OR4E2: variants seen among roughly 807,000 people sequenced by gnomAD.
OR4E2 encodes olfactory receptor 4E2.
In OR4E2, 9 loss-of-function variants were observed where a neutral mutation model predicts 11.0. The observed-to-expected ratio is 0.82, with a 90% CI of 0.49 to 1.43. OR4E2 has a LOEUF of 1.43. OR4E2 is among the 40% of genes most tolerant of loss of function. The pLI is 0.00. For missense variants in OR4E2, 441 were observed against 382.0 expected (o/e 1.15, Z -1.29); for synonymous variants, 159 against 147.3 (o/e 1.08, Z -0.57).
Position 21,666,280 on chromosome 14 carries a change from G to T in OR4E2, c.*256G>T, listed in dbSNP as rs1880647145. 2.7e-6 allele frequency: 1 copy of T among 371,858 alleles called. No homozygotes were observed. The highest frequency in any genetic ancestry group is 4.8e-6 in the Non-Finnish European group (1 of 207,202). The allele number at this position is 371,858 out of a possible 1,614,324, so 23.0% of individuals were successfully genotyped here. On this transcript the variant is annotated 3_prime_UTR_variant, in exon 4 of 4. Transcript: ENST00000641524. ...GTGGGAAAGTTTAAAGACAGCTTTT[G>T]ATTTCATCAGTAAAAGAATACAATT...
intron 2 of OR4E2, among the ~76,000 whole-genome samples, chr14:21,659,022 A>C: frequency 6.6e-6 from 1 of 152,086 alleles, no homozygotes; most frequent in East Asian, 1.9e-4. Context: ...CTACTTTGAA[A>C]ATATCTTTAA....
intron 3 of OR4E2, among the ~76,000 whole-genome samples, chr14:21,663,576 G>C (rs1027138624): frequency 1.2e-4 from 19 of 152,140 alleles, no homozygotes; most frequent in African/African-American, 4.3e-4. Flanking sequence ...AAGCCTGAGA[G>C]GGAATAGATA....
chr14:21,666,715 T>C lies in OR4E2; in HGVS notation c.*691T>C, dbSNP rs1880671427. 6.7e-6 allele frequency: 1 copy of C among 150,166 alleles called. No individual in the cohort carries two copies. Among genetic ancestry groups the C allele is most frequent in the Non-Finnish European group, 1.5e-5 (1 of 67,170 alleles). 9.3% of individuals were successfully genotyped at this position (150,166 alleles called of 1,614,324 possible). ...ATACCAAGTGGTTTTTTTTTTTTTT[T>C]TCCTAATTACTCTGTCGCCCAGGCT... On this transcript the variant is annotated 3_prime_UTR_variant, in exon 4 of 4. Transcript: ENST00000641524.
At chr14:21,654,058 C>G (rs1879792482) in intron 1 of OR4E2, 119 bp downstream of exon 1, 1 of 152,176 alleles carries the variant, frequency 6.6e-6, no homozygotes, top group Non-Finnish European at 1.5e-5. Context: ...CTTTAGAAGA[C>G]AGCCTAAGCT....
intron 3 of OR4E2, 78 bp from the exon 4 acceptor site, chr14:21,664,997 A>G: frequency 1.3e-6 from 1 of 751,926 alleles, no homozygotes; most frequent in South Asian, 1.8e-5. Flanking sequence ...CAATTCAGAT[A>G]AGAATACAAA....
At chr14:21,663,993 A>T (rs528754454) in intron 3 of OR4E2, among the ~76,000 whole-genome samples, 2 of 152,232 alleles carry the variant, frequency 1.3e-5, no homozygotes, top group South Asian at 4.1e-4. Context: ...TTCTTTATTC[A>T]TTCTATCATT....
rs1416369915 is a variant in OR4E2, at chr14:21,665,534, G to C, written c.452G>C (p.Gly151Ala). 2 of 1,613,972 alleles carry C rather than the reference G, an allele frequency of 1.2e-6. No homozygotes were observed. The highest frequency in any genetic ancestry group is 1.7e-6 in the Non-Finnish European group (2 of 1,180,028). The change falls in exon 4 of 4, where the codon GGG becomes GCG. Residue 151 changes from glycine (G) to alanine (A), a missense_variant. Gly to Ala is a moderately conservative substitution (Grantham distance 60, BLOSUM62 0). Coordinates refer to ENST00000641524, the MANE Select transcript of OR4E2 (RefSeq NM_001001912.3). ...CAGCTTGTCTTTGCTCTCTGGTTGG[G>C]GGGTACTGTTCACTCACTAGGGCAG... ...CIQLVFALWL[G>A]GTVHSLGQTF...
At chr14:21,654,748 G>A (rs1490036983) in intron 1 of OR4E2, among the ~76,000 whole-genome samples, 2 of 64,172 alleles carry the variant, frequency 3.1e-5, no homozygotes, top group African/African-American at 1.2e-4. Context: ...TATATAAAAT[G>A]AGAGAGAGAG....
At chr14:21,654,741 A>G (rs972481532) in intron 1 of OR4E2, among the ~76,000 whole-genome samples, 1 of 140,820 alleles carries the variant, frequency 7.1e-6, no homozygotes, top group Non-Finnish European at 1.5e-5. Context: ...CATTATATAT[A>G]TAAAATGAGA....
Position 21,666,981 on chromosome 14 carries a change from G to A in OR4E2, c.*957G>A, listed in dbSNP as rs1410731644. On this transcript the variant is annotated 3_prime_UTR_variant, in exon 4 of 4. Coordinates refer to ENST00000641524, the MANE Select transcript of OR4E2 (RefSeq NM_001001912.3). ...AACTACTATCACTCATTGGGCTGAA[G>A]TATATCAGTTTATTGTGGAATGGGC... 2.0e-5 allele frequency: 3 copies of A among 152,104 alleles called. No individual in the cohort carries two copies. Among genetic ancestry groups the A allele is most frequent in the Admixed American group, 6.6e-5 (1 of 15,266 alleles). The allele number at this position is 152,104 out of a possible 1,614,324, so 9.4% of individuals were successfully genotyped here.
rs962630264 is a variant in OR4E2, at chr14:21,656,599, A to C, written c.-103+10A>C. ...CAACTGGAGAAAACTGGTAAGTTTT[A>C]CCACTACCTGCGCTGCTTGTCATGC... On this transcript the variant is annotated intron_variant, in intron 2 of 3. Coordinates refer to ENST00000641524, the MANE Select transcript of OR4E2 (RefSeq NM_001001912.3). 1 of 152,224 alleles carries C rather than the reference A, an allele frequency of 6.6e-6. No homozygotes were observed. The highest frequency in any genetic ancestry group is 1.5e-5 in the Non-Finnish European group (1 of 68,030). 9.4% of individuals were successfully genotyped at this position (152,224 alleles called of 1,614,324 possible).
intron 2 of OR4E2, 62 bp downstream of exon 2, chr14:21,656,651 C>CAT (rs1879968800): frequency 6.6e-6 from 1 of 152,192 alleles, no homozygotes; most frequent in Non-Finnish European, 1.5e-5. Flanking sequence ...CATGTATGCT[C>CAT]ATATGTACAT....
At chr14:21,654,468 C>T (rs1346808447) in intron 1 of OR4E2, among the ~76,000 whole-genome samples, 1 of 151,612 alleles carries the variant, frequency 6.6e-6, no homozygotes, top group Non-Finnish European at 1.5e-5. Flanking sequence ...CAGATGCACA[C>T]ACACACACAC....
At chr14:21,662,323 G>A (rs146813951) in intron 3 of OR4E2, among the ~76,000 whole-genome samples, 2 of 151,808 alleles carry the variant, frequency 1.3e-5, no homozygotes, top group Non-Finnish European at 2.9e-5. Flanking sequence ...TTCAGACGGA[G>A]TCTTGCTCTG....
rs764348581 is a variant in OR4E2 at position 21,665,895 on chromosome 14, G to A, written c.813G>A (p.Val271=). Residue 271 remains valine, a synonymous_variant, in exon 4 of 4, where the codon GTG becomes GTA. Coordinates refer to ENST00000641524, the MANE Select transcript of OR4E2 (RefSeq NM_001001912.3). ...CCAGCTTCTCCATTGACAAGGTGGT[G>A]TCTGTCTTCTACACAGTGGTCACCC... The part of the protein sequence containing the change: ...PDTSFSIDKV[V]SVFYTVVTPL... The A allele has an allele frequency of 3.2e-5, 52 of 1,610,666 alleles. 1 individual carries two copies. Among genetic ancestry groups the A allele is most frequent in the Non-Finnish European group, 4.2e-5 (50 of 1,178,670 alleles).
At position 21,665,286 on chromosome 14, in the gene OR4E2, T is replaced by C. The variant is rs757956291; in HGVS notation, c.204T>C (p.Phe68=). 1.9e-6 allele frequency: 3 copies of C among 1,614,146 alleles called. No homozygotes were observed. In the Admixed American group the frequency reaches 5.0e-5, roughly 27 times the overall value. Residue 68 remains phenylalanine (F), a synonymous_variant, in exon 4 of 4, where the codon TTT becomes TTC. Transcript: ENST00000641524. The stretch of plus-strand genomic sequence containing the variant: ...ATTTCTTCCTGAGCAATCTGTCCTT[T>C]ATTGACATCTGCCACTCATCTGTCA... The part of the protein sequence containing the change: ...PMYFFLSNLS[F]IDICHSSVTV...
At chr14:21,663,639 T>G (rs1234139147) in intron 3 of OR4E2, among the ~76,000 whole-genome samples, 1 of 152,176 alleles carries the variant, frequency 6.6e-6, no homozygotes, top group Admixed American at 6.5e-5. Flanking sequence ...TTTGAAATAG[T>G]CAAAGACAAA....
At chr14:21,661,584 T>A (rs139399754) in intron 3 of OR4E2, among the ~76,000 whole-genome samples, 1 of 152,372 alleles carries the variant, frequency 6.6e-6, no homozygotes, top group African/African-American at 2.4e-5. Flanking sequence ...TTGTCAGAAA[T>A]TCTGAATTGA....
rs118047831 is a variant in OR4E2, at chr14:21,665,412, C to T, written c.330C>T (p.Ala110=). 2.2e-4 allele frequency: 352 copies of T among 1,613,980 alleles called. No homozygotes were observed. The African/African-American group carries it at 2.7e-3, about 13-fold the overall frequency. ...TCTTCCTACATCTCTTTGCCTGTGC[C>T]GAGATCTTTCTGCTGATCATTATGG... is the stretch of plus-strand genomic sequence containing the variant. ...QLFFLHLFAC[A]EIFLLIIMAY... The change falls in exon 4 of 4, where the codon GCC becomes GCT. Residue 110 remains alanine, a synonymous_variant. Coordinates refer to ENST00000641524, the MANE Select transcript of OR4E2 (RefSeq NM_001001912.3).
Sources: gnomAD v4.1 joint callset for allele counts (sites outside exome capture counted in the v4.1 genomes callset) on GRCh38, gnomAD v4.1.1 for gene constraint, MANE v1.5 for transcripts, NCBI Gene and HGNC (gene_info 2026-07-23, HGNC 2026-07-21) for gene names.